COBLL1: variants seen among roughly 807,000 people sequenced by gnomAD.
COBLL1 encodes the protein cordon-bleu WH2 repeat protein like 1.
Under a neutral mutation model 94.8 loss-of-function variants are expected in COBLL1, and 50 were observed. That is an observed-to-expected ratio of 0.53 (90% CI 0.42 to 0.67). The LOEUF (loss-of-function observed/expected upper bound fraction) is 0.67. Among genes scored for constraint, COBLL1 ranks in the 30% least tolerant of loss-of-function variants. The pLI, the probability that COBLL1 is intolerant of heterozygous loss-of-function variation, is 0.00. For missense variants in COBLL1, 1,362 were observed against 1,348.7 expected, an observed-to-expected ratio of 1.01 and a Z score of -0.15; for synonymous variants, 448 against 473.8, an observed-to-expected ratio of 0.95 and a Z score of 0.71.
chr2:164,716,171 G>T (rs1449101352), intron 7 of COBLL1, among the ~76,000 whole-genome samples: 1 of 152,146 alleles, frequency 6.6e-6, no homozygotes, highest in African/African-American at 2.4e-5. Flanking sequence ...TCTGAACTTA[G>T]ATTTATCTGA....
At position 164,690,644 on chromosome 2, in the gene COBLL1, C is replaced by T. The variant is rs116360337; in HGVS notation, c.3300+1577G>A. Among the ~76,000 whole-genome samples, 418 of 152,232 alleles carry T rather than the reference C, an allele frequency of 2.7e-3. 5 individuals are homozygous for T. Among genetic ancestry groups the T allele is most frequent in the African/African-American group, 9.6e-3 (397 of 41,542 alleles). On this transcript the variant is annotated intron_variant, in intron 13 of 13. Coordinates refer to ENST00000652658, the MANE Select transcript of COBLL1 (RefSeq NM_001365672.2). ...CTTCACTGACCTAGTATAAAGGCAT[C>T]GCAATCAGTTTCTGTGTAGTAACTT... is the stretch of plus-strand genomic sequence containing the variant.
intron 1 of COBLL1, among the ~76,000 whole-genome samples, chr2:164,674,350 C>A (rs759947827): frequency 1.3e-5 from 2 of 152,100 alleles, no homozygotes; most frequent in African/African-American, 4.8e-5. Context: ...TGAACCACTG[C>A]GCCCAGCCAA....
chr2:164,786,685 A>G (rs1478221478), intron 2 of COBLL1, among the ~76,000 whole-genome samples: 1 of 152,186 alleles, frequency 6.6e-6, no homozygotes, highest in African/African-American at 2.4e-5. Flanking sequence ...CTCAGGAGAC[A>G]GAGATCCAGA....
intron 1 of COBLL1, among the ~76,000 whole-genome samples, chr2:164,674,059 TTTG>T (rs1195324156): frequency 5.3e-5 from 8 of 152,252 alleles, no homozygotes; most frequent in East Asian, 1.9e-4. Context: ...CTTTTTGTTT[TTTG>T]TTGTTGTTGT....
At chr2:164,805,887 A>G (rs1189555385) in intron 2 of COBLL1, among the ~76,000 whole-genome samples, 1 of 152,208 alleles carries the variant, frequency 6.6e-6, no homozygotes, top group Non-Finnish European at 1.5e-5. Flanking sequence ...GAACGTGTTT[A>G]GTTTTGTAAG....
chr2:164,729,350 A>G (rs1277158248), intron 4 of COBLL1, among the ~76,000 whole-genome samples: 1 of 151,846 alleles, frequency 6.6e-6, no homozygotes, highest in Non-Finnish European at 1.5e-5. Context: ...TATTGCTTAT[A>G]GCAATAGAAC....
intron 1 of COBLL1, among the ~76,000 whole-genome samples, chr2:164,671,472 C>G (rs546692756): frequency 2.0e-5 from 3 of 152,284 alleles, no homozygotes; most frequent in African/African-American, 7.2e-5. Context: ...AATATTACTT[C>G]AACTAGAACC....
At chr2:164,802,571 C>A (rs1683865151) in intron 2 of COBLL1, among the ~76,000 whole-genome samples, 1 of 152,142 alleles carries the variant, frequency 6.6e-6, no homozygotes, top group South Asian at 2.1e-4. Flanking sequence ...TTGCCTCACT[C>A]AGTAGACAGT....
chr2:164,700,370 C>T (rs989406746), intron 10 of COBLL1, 152 bp downstream of exon 10: 16 of 535,236 alleles, frequency 3.0e-5, no homozygotes, highest in African/African-American at 2.9e-4. Flanking sequence ...ATAAGTACTT[C>T]ATTAATAAAC....
intron 7 of COBLL1, among the ~76,000 whole-genome samples, chr2:164,719,614 CTG>C (rs1685347990): frequency 6.6e-6 from 1 of 152,118 alleles, no homozygotes; most frequent in Admixed American, 6.5e-5. Context: ...GTCTCTCTGC[CTG>C]TGTGTCTCCT....
intron 2 of COBLL1, among the ~76,000 whole-genome samples, chr2:164,805,362 T>TATATATATATATATATAA (rs1454985317): frequency 8.4e-6 from 1 of 118,476 alleles, no homozygotes; most frequent in African/African-American, 3.4e-5. Context: ...TATATATATA[T>TATATATATATATATATAA]AAAACTAAAG....
chr2:164,666,227 A>T (rs931786842), intron 1 of COBLL1, among the ~76,000 whole-genome samples: 1 of 152,230 alleles, frequency 6.6e-6, no homozygotes, highest in Admixed American at 6.5e-5. Context: ...TATAATAAAT[A>T]TTGCAATTAA....
intron 2 of COBLL1, among the ~76,000 whole-genome samples, chr2:164,834,797 C>A (rs551275335): frequency 1.3e-5 from 2 of 152,224 alleles, no homozygotes; most frequent in African/African-American, 4.8e-5. Context: ...AGATTAACAT[C>A]CAGAATATAT....
In COBLL1 at chr2:164,694,356, C is replaced by G. The variant is rs1254315289; in HGVS notation, c.3036G>C (p.Leu1012Phe). Reference protein sequence around the residue: ...ERTESPSASALVQPPANTEEG... With the variant: ...ERTESPSASAFVQPPANTEEG... The stretch of plus-strand genomic sequence containing the variant: ...CCTCTGTGTTGGCTGGAGGTTGGAC[C>G]AATGCACTGGCACTAGGTGACTCGG... The change falls in exon 12 of 14, where the codon TTG (leucine) becomes TTC (phenylalanine). Residue 1012 changes from leucine to phenylalanine, a missense_variant. Physicochemically the swap from Leu to Phe is conservative, Grantham distance 22. Transcript: ENST00000652658. 1 of 1,613,844 alleles carries G rather than the reference C, an allele frequency of 6.2e-7. No individual in the cohort carries two copies.
intron 13 of COBLL1, chr2:164,687,307 T>C (rs1683349837): frequency 3.1e-6 from 2 of 637,582 alleles, no homozygotes; most frequent in Non-Finnish European, 5.7e-6. Flanking sequence ...GCCCGGCACT[T>C]GTCCACAGGG....
chr2:164,699,564 C>G (rs113688595), intron 10 of COBLL1, 65 bp from the exon 11 acceptor site: 1 of 837,412 alleles, frequency 1.2e-6, no homozygotes, highest in Non-Finnish European at 2.1e-6. Context: ...CACACACACA[C>G]AGACACACAC....
intron 12 of COBLL1, 149 bp downstream of exon 12, chr2:164,694,120 T>C (rs903953744): frequency 1.4e-6 from 1 of 738,232 alleles, no homozygotes; most frequent in Non-Finnish European, 2.2e-6. Context: ...TCAGATTTTA[T>C]GTATCACCAC....
intron 7 of COBLL1, among the ~76,000 whole-genome samples, chr2:164,715,384 A>T (rs2105481925): frequency 6.6e-6 from 1 of 152,244 alleles, no homozygotes; most frequent in East Asian, 1.9e-4. Flanking sequence ...CTTTCTATAT[A>T]ATAAATATAA....
intron 2 of COBLL1, among the ~76,000 whole-genome samples, chr2:164,822,739 A>G (rs1685230886): frequency 5.1e-5 from 2 of 39,084 alleles, no homozygotes; most frequent in South Asian, 8.7e-4. Context: ...ATATTATATT[A>G]TTATTATTAT....
Sources: allele counts gnomAD v4.1 joint callset (sites outside exome capture counted in the v4.1 genomes callset), GRCh38; gene constraint gnomAD v4.1.1; transcripts MANE v1.5; gene names NCBI Gene and HGNC (gene_info 2026-07-23, HGNC 2026-07-21).